The following ACTR3C variants were observed in gnomAD, a reference collection of about 807,000 sequenced individuals.
ACTR3C encodes the protein actin related protein 3C, also known as actin-related protein 3C.
Under a neutral mutation model 26.3 loss-of-function variants are expected in ACTR3C, and 18 were observed. That is an observed-to-expected ratio of 0.68 (90% confidence interval 0.47 to 1.01). The LOEUF is 1.01. Among genes scored for constraint, ACTR3C ranks in the 50% least tolerant of loss-of-function variants. The pLI, the probability that ACTR3C is intolerant of heterozygous loss-of-function variation, is 0.00. For synonymous variants in ACTR3C, 55 were observed against 94.5 expected, an observed-to-expected ratio of 0.58 and a Z score of 2.42; for missense variants, 184 against 250.7, an observed-to-expected ratio of 0.73 and a Z score of 1.80.
At chr7:150,156,692 A>G in the ACTR3C span, among the ~76,000 whole-genome samples, 1 of 152,248 alleles carries the variant, frequency 6.6e-6, no homozygotes, top group African/African-American at 2.4e-5. Flanking sequence ...TGATTCTGGA[A>G]TAAACACTAG....
chr7:150,012,704 TA>T, the ACTR3C span, among the ~76,000 whole-genome samples: 1 of 148,100 alleles, frequency 6.8e-6, no homozygotes, highest in Non-Finnish European at 1.5e-5. Context: ...CTTTTGAAAT[TA>T]CGGTGATAGA....
At chr7:150,134,232 T>TAAAA in the ACTR3C span, among the ~76,000 whole-genome samples, 199 of 124,372 alleles carry the variant, frequency 1.6e-3, no homozygotes, top group Middle Eastern at 4.5e-3. Context: ...CTATATGCAG[T>TAAAA]AAAAAAAAAA....
chr7:150,107,355 G>T, the ACTR3C span, among the ~76,000 whole-genome samples: 5 of 151,724 alleles, frequency 3.3e-5, no homozygotes, highest in Non-Finnish European at 5.9e-5. Flanking sequence ...GAAGACACAG[G>T]GGGACAGCCT....
chr7:149,882,621 T>C, the ACTR3C span, among the ~76,000 whole-genome samples: 1 of 152,194 alleles, frequency 6.6e-6, no homozygotes, highest in African/African-American at 2.4e-5. Context: ...CCCAGAGGCT[T>C]TCCCTCCAGG....
intron 6 of ACTR3C, among the ~76,000 whole-genome samples, chr7:150,263,872 A>G (rs1274376423): frequency 1.3e-5 from 2 of 152,256 alleles, no homozygotes; most frequent in Non-Finnish European, 2.9e-5. Context: ...CTAAAAATAA[A>G]TAAATAAAAC....
chr7:149,983,254 G>A, the ACTR3C span, among the ~76,000 whole-genome samples: 4 of 151,454 alleles, frequency 2.6e-5, no homozygotes, highest in African/African-American at 9.7e-5. Flanking sequence ...AGAAACAAAA[G>A]CAAAAATCTT....
intron 1 of ACTR3C, among the ~76,000 whole-genome samples, chr7:150,313,159 T>C (rs2129615820): frequency 6.6e-6 from 1 of 152,342 alleles, no homozygotes; most frequent in East Asian, 1.9e-4. Context: ...CCTATAAAGC[T>C]GCCTCTCTCC....
At chr7:150,246,911 A>T (rs1363393486), downstream of ACTR3C, 1 of 152,002 alleles carries the variant, frequency 6.6e-6, no homozygotes, top group East Asian at 1.9e-4. Flanking sequence ...TCCCGCCTCC[A>T]CTTCTTGAGT....
At chr7:150,238,849 C>T in the ACTR3C span, among the ~76,000 whole-genome samples, 1 of 146,246 alleles carries the variant, frequency 6.8e-6, no homozygotes, top group South Asian at 2.1e-4. Flanking sequence ...ATATGGCACT[C>T]CTGAAGATAT....
the ACTR3C span, among the ~76,000 whole-genome samples, chr7:150,177,171 TAA>T: frequency 6.6e-6 from 1 of 150,848 alleles, no homozygotes; most frequent in Non-Finnish European, 1.5e-5. Flanking sequence ...CTGAAATTTA[TAA>T]AAGTTAGTTA....
At chr7:149,933,887 C>G in the ACTR3C span, among the ~76,000 whole-genome samples, 7 of 152,108 alleles carry the variant, frequency 4.6e-5, no homozygotes, top group African/African-American at 1.7e-4. Context: ...GAGTTCCACT[C>G]AACACTAGCA....
At chr7:150,078,277 C>G in the ACTR3C span, among the ~76,000 whole-genome samples, 1 of 148,244 alleles carries the variant, frequency 6.7e-6, no homozygotes, top group Non-Finnish European at 1.5e-5. Flanking sequence ...CCCCTACTCT[C>G]CACTCAGCAT....
chr7:150,249,420 C>A (rs568380707), intron 6 of ACTR3C, among the ~76,000 whole-genome samples: 1 of 152,072 alleles, frequency 6.6e-6, no homozygotes, highest in Non-Finnish European at 1.5e-5. Context: ...GAAGGGCTGA[C>A]GGAAGCATTT....
the ACTR3C span, among the ~76,000 whole-genome samples, chr7:150,024,231 C>A: frequency 6.6e-6 from 1 of 151,976 alleles, no homozygotes; most frequent in South Asian, 2.1e-4. Flanking sequence ...CCACAGAGGA[C>A]ATGAGGCTGA....
At chr7:150,056,667 G>A in the ACTR3C span, among the ~76,000 whole-genome samples, 54 of 150,992 alleles carry the variant, frequency 3.6e-4, no homozygotes, top group African/African-American at 1.2e-3. Flanking sequence ...CAGCTGCAGC[G>A]GGATGAGGTG....
At chr7:150,032,199 G>T in the ACTR3C span, among the ~76,000 whole-genome samples, 9 of 152,224 alleles carry the variant, frequency 5.9e-5, no homozygotes, top group Admixed American at 1.3e-4. Flanking sequence ...AAATTCAGAT[G>T]CAGGAACAGT....
chr7:150,215,859 G>C, the ACTR3C span, among the ~76,000 whole-genome samples: 4 of 152,072 alleles, frequency 2.6e-5, no homozygotes, highest in Non-Finnish European at 5.9e-5. Flanking sequence ...TTATCAAATG[G>C]TGTAAATGCT....
chr7:150,184,899 C>T, the ACTR3C span, among the ~76,000 whole-genome samples: 29 of 148,890 alleles, frequency 1.9e-4, no homozygotes, highest in Admixed American at 6.6e-4. Context: ...TGCCACGGTT[C>T]GCTTCCTTCA....
chr7:150,040,538 C>T, the ACTR3C span: 10 of 148,822 alleles, frequency 6.7e-5, no homozygotes, highest in South Asian at 2.1e-3. Context: ...CCCACAGCTC[C>T]TAAGAATTCT....
Sources: allele counts gnomAD v4.1 joint callset (sites outside exome capture counted in the v4.1 genomes callset), GRCh38; gene constraint gnomAD v4.1.1; transcripts MANE v1.5; gene names NCBI Gene and HGNC (gene_info 2026-07-23, HGNC 2026-07-21).